The following IPPK variants were observed in gnomAD, a reference collection of about 807,000 sequenced individuals.
IPPK encodes IPK1 homolog.
A neutral mutation model predicts 64.6 loss-of-function variants in IPPK; 22 were observed. The observed-to-expected ratio is 0.34, with a 90% CI of 0.24 to 0.49. IPPK has a LOEUF of 0.49. Among genes scored for constraint, IPPK ranks in the 20% least tolerant of loss-of-function variants. The pLI, the probability that IPPK is intolerant of heterozygous loss-of-function variation, is 0.99. For missense variants in IPPK, 532 were observed against 630.7 expected (o/e 0.84, Z 1.68); for synonymous variants, 262 against 247.2 (o/e 1.06, Z -0.56).
chr9:92,657,276 G>C (rs1852390758), intron 2 of IPPK, among the ~76,000 whole-genome samples: 1 of 152,088 alleles, frequency 6.6e-6, no homozygotes, highest in Non-Finnish European at 1.5e-5. Flanking sequence ...TTGAACCTAG[G>C]AGGCAGAGGT....
rs150804847 is a variant in IPPK, at chr9:92,650,873, G to A, written c.293-1299C>T. Among the ~76,000 whole-genome samples, 390 of 152,150 alleles carry A rather than the reference G, an allele frequency of 2.6e-3. 1 individual carries two copies. Among genetic ancestry groups the A allele is most frequent in the Admixed American group, 5.1e-3 (78 of 15,280 alleles). On this transcript the variant is annotated intron_variant, in intron 4 of 12. Coordinates refer to ENST00000287996, the MANE Select transcript of IPPK (RefSeq NM_022755.6). ...CCCAGCACCAGATCTGCTGGAACCC[G>A]TGGTGTGGACAGAACCAAACAAGCC...
At chr9:92,659,350 G>A (rs567762916) in intron 1 of IPPK, among the ~76,000 whole-genome samples, 4 of 152,234 alleles carry the variant, frequency 2.6e-5, no homozygotes, top group South Asian at 4.1e-4. Context: ...CTGCAGGTAC[G>A]TTACACTTCA....
intron 1 of IPPK, among the ~76,000 whole-genome samples, chr9:92,669,257 C>A (rs1235082927): frequency 6.6e-6 from 1 of 152,120 alleles, no homozygotes; most frequent in East Asian, 1.9e-4. Flanking sequence ...CTCACAGAAA[C>A]CCACACGCTT....
Position 92,625,943 on chromosome 9 carries a change from G to C in IPPK, c.1171-6378C>G, listed in dbSNP as rs189639013. Among the ~76,000 whole-genome samples, 596 of 151,626 alleles carry C rather than the reference G, an allele frequency of 3.9e-3. 2 individuals are homozygous for C. The highest frequency in any genetic ancestry group is 6.8e-3 in the Admixed American group (103 of 15,252). On this transcript the variant is annotated intron_variant, in intron 11 of 12. Transcript: ENST00000287996. ...GAGATTTTTTTTTTTTAACCACCAA[G>C]GTTTTATTGTATCTGATATCAGAAT...
chr9:92,634,727 G>C (rs1272209464), intron 10 of IPPK, among the ~76,000 whole-genome samples: 2 of 152,178 alleles, frequency 1.3e-5, no homozygotes, highest in Non-Finnish European at 1.5e-5. Flanking sequence ...AGCATCCTGC[G>C]TCAGAGATGC....
intron 4 of IPPK, 99 bp from the exon 5 acceptor site, chr9:92,649,673 G>C: frequency 7.2e-7 from 1 of 1,394,862 alleles, no homozygotes; most frequent in Non-Finnish European, 9.9e-7. Context: ...GTTCCAGGGG[G>C]CATCTCTGTA....
At chr9:92,621,911 G>A (rs1851643923) in intron 11 of IPPK, among the ~76,000 whole-genome samples, 1 of 152,086 alleles carries the variant, frequency 6.6e-6, no homozygotes, top group Non-Finnish European at 1.5e-5. Context: ...CACCAAGGCT[G>A]AACACAGACA....
intron 1 of IPPK, among the ~76,000 whole-genome samples, chr9:92,663,910 A>T (rs564463035): frequency 6.6e-6 from 1 of 152,388 alleles, no homozygotes; most frequent in African/African-American, 2.4e-5. Flanking sequence ...AGACAACAGC[A>T]GCAGGGGTCA....
At chr9:92,636,807 G>A (rs1166152685) in intron 9 of IPPK, among the ~76,000 whole-genome samples, 2 of 152,124 alleles carry the variant, frequency 1.3e-5, no homozygotes, top group East Asian at 3.8e-4. Flanking sequence ...CCTCCTGTCT[G>A]TGTCCATGTC....
intron 6 of IPPK, among the ~76,000 whole-genome samples, chr9:92,643,679 C>G (rs1852095671): frequency 6.6e-6 from 1 of 151,296 alleles, no homozygotes; most frequent in East Asian, 1.9e-4. Context: ...CACAAACAAT[C>G]CTCAAGGATT....
Position 92,635,108 on chromosome 9 carries a change from C to T in IPPK, c.1067+50G>A. 1.3e-6 allele frequency: 2 copies of T among 1,547,318 alleles called. No individual in the cohort carries two copies. The highest frequency in any genetic ancestry group is 1.8e-6 in the Non-Finnish European group (2 of 1,141,350). On this transcript the variant is annotated intron_variant, in intron 10 of 12. Coordinates refer to ENST00000287996, the MANE Select transcript of IPPK (RefSeq NM_022755.6). The surrounding 1 kb of genome is among the most constrained non-coding windows in gnomAD (Gnocchi z 4.4). ...GAGGCGCATTCTTACCCTGCCCACT[C>T]CCACAGTCTCCTCTCAGGGCTGCCC...
intron 3 of IPPK, among the ~76,000 whole-genome samples, chr9:92,653,561 G>A (rs1852310169): frequency 1.3e-5 from 2 of 152,238 alleles, no homozygotes; most frequent in Admixed American, 1.3e-4. Flanking sequence ...TCGAAAATTT[G>A]TAAATTGAAG....
chr9:92,668,382 C>G (rs1302451510), intron 1 of IPPK, among the ~76,000 whole-genome samples: 1 of 152,212 alleles, frequency 6.6e-6, no homozygotes, highest in Non-Finnish European at 1.5e-5. Context: ...ACATACTTGT[C>G]TGGAACGTGC....
At position 92,616,063 on chromosome 9, in the gene IPPK, A is replaced by G; in HGVS notation, c.1251-6T>C. 6.2e-7 allele frequency: 1 copy of G among 1,606,658 alleles called. No individual in the cohort carries two copies. The highest frequency in any genetic ancestry group is 8.5e-7 in the Non-Finnish European group (1 of 1,174,118). ...CGACAGGCCTTTGATCAGAGCTGCA[A>G]GTAAAAAGTACCATTTCAGGATACA... On this transcript the variant is annotated splice_polypyrimidine_tract_variant and splice_region_variant and intron_variant, in intron 12 of 12. Coordinates refer to ENST00000287996, the MANE Select transcript of IPPK (RefSeq NM_022755.6).
chr9:92,663,561 T>G (rs377481169), intron 1 of IPPK, among the ~76,000 whole-genome samples: 1 of 152,230 alleles, frequency 6.6e-6, no homozygotes, highest in Non-Finnish European at 1.5e-5. Context: ...CCTTCTGATA[T>G]TCTATATTTT....
intron 3 of IPPK, among the ~76,000 whole-genome samples, chr9:92,656,075 C>A (rs1483218305): frequency 6.6e-6 from 1 of 152,172 alleles, no homozygotes. Flanking sequence ...TAAGCCGACC[C>A]CAGGACAGCC....
At chr9:92,652,232 G>C (rs1378581194) in intron 4 of IPPK, among the ~76,000 whole-genome samples, 2 of 151,908 alleles carry the variant, frequency 1.3e-5, no homozygotes, top group Admixed American at 1.3e-4. Flanking sequence ...GGTGGATCAC[G>C]AGGTCAGGAG....
chr9:92,642,827 AGGAG>A lies in IPPK; in HGVS notation c.505-21_505-18del. 6.2e-7 allele frequency: 1 copy of A among 1,610,552 alleles called. No individual in the cohort carries two copies. Among genetic ancestry groups the A allele is most frequent in the Admixed American group, 1.7e-5 (1 of 60,036 alleles). ...AGTTGCTACCTGTGAAAACACCAAC[AGGAG>A]GGCATGAGGTGACTGGCGCTGGTGA... On this transcript the variant is annotated intron_variant, in intron 6 of 12. Transcript: ENST00000287996.
At position 92,640,797 on chromosome 9, in the gene IPPK, CATTAACA is replaced by C; in HGVS notation, c.564-22_564-16del. On this transcript the variant is annotated splice_polypyrimidine_tract_variant and intron_variant, in intron 7 of 12. Transcript: ENST00000287996. ...TCTGTTTGTTTCTAAAAGGGAAAAG[CATTAACA>C]TGCTTTAAATGCAGCTGGAACTGAC... is the stretch of plus-strand genomic sequence containing the variant. The C allele has an allele frequency of 6.3e-7, 1 of 1,585,628 alleles. No homozygotes were observed. Among genetic ancestry groups the C allele is most frequent in the East Asian group, 2.2e-5 (1 of 44,702 alleles).
Sources: allele counts gnomAD v4.1 joint callset (sites outside exome capture counted in the v4.1 genomes callset), GRCh38; gene constraint gnomAD v4.1.1; non-coding constraint Gnocchi (gnomAD v3.1); transcripts MANE v1.5; gene names NCBI Gene and HGNC (gene_info 2026-07-23, HGNC 2026-07-21).